The following TAB2 variants were observed in gnomAD, a reference collection of about 807,000 sequenced individuals.
TAB2 encodes the protein TGF-beta-activated kinase 1 and MAP3K7-binding protein 2.
Under a neutral mutation model 65.0 loss-of-function variants are expected in TAB2, and 3 were observed. That is an observed-to-expected ratio of 0.05 (90% CI 0.02 to 0.12). The LOEUF is 0.12. Ranked by LOEUF, TAB2 falls within the 10% of genes least tolerant of loss-of-function variation. The probability of loss-of-function intolerance (pLI) is 1.00; values close to 1 mark genes in which losing one functional copy is unlikely to be tolerated. For synonymous variants in TAB2, 298 were observed against 285.1 expected (o/e 1.05, Z -0.46); for missense variants, 623 against 840.3 (o/e 0.74, Z 3.20).
At chr6:149,402,208 AAAAG>A (rs1461060831) in intron 6 of TAB2, among the ~76,000 whole-genome samples, 9 of 152,064 alleles carry the variant, frequency 5.9e-5, no homozygotes, top group African/African-American at 9.7e-5. Context: ...AATTGAGAAA[AAAAG>A]GAGACAAAAT....
upstream of TAB2, among the ~76,000 whole-genome samples, chr6:149,314,511 G>T (rs1277187614): frequency 1.3e-5 from 2 of 152,062 alleles, no homozygotes; most frequent in Non-Finnish European, 2.9e-5. Context: ...CTTGCTTTTT[G>T]CTTCACTTTC....
intron 1 of TAB2, among the ~76,000 whole-genome samples, chr6:149,350,640 T>C (rs2114804366): frequency 8.8e-6 from 1 of 114,068 alleles, no homozygotes; most frequent in African/African-American, 3.1e-5. Context: ...TTTTTTTTTT[T>C]TAAGAGCTCA....
chr6:149,400,273 C>A, intron 6 of TAB2: 1 of 1,134,846 alleles, frequency 8.8e-7, no homozygotes, highest in Non-Finnish European at 1.2e-6. Flanking sequence ...GTGCACGCAC[C>A]CTCTCCCTCA....
At chr6:149,357,430 A>AAAAAAAAAAAAAC in intron 1 of TAB2, among the ~76,000 whole-genome samples, 1 of 111,144 alleles carries the variant, frequency 9.0e-6, no homozygotes, top group African/African-American at 3.4e-5. Flanking sequence ...AGAAAAAAAA[A>AAAAAAAAAAAAAC]ACACACACAC....
chr6:149,250,174 C>T (rs1030518222), intron 1 of TAB2, among the ~76,000 whole-genome samples: 5 of 152,098 alleles, frequency 3.3e-5, no homozygotes, highest in African/African-American at 1.2e-4. Context: ...GATCTTGAAA[C>T]AGCACAGAAT....
intron 1 of TAB2, among the ~76,000 whole-genome samples, chr6:149,270,470 T>C (rs899521892): frequency 6.6e-6 from 1 of 152,204 alleles, no homozygotes; most frequent in Non-Finnish European, 1.5e-5. Context: ...AATAACAGTA[T>C]ATTGAATACT....
intron 1 of TAB2, among the ~76,000 whole-genome samples, chr6:149,358,674 T>G (rs866079801): frequency 7.5e-5 from 1 of 13,302 alleles, no homozygotes; most frequent in Non-Finnish European, 2.6e-4. Context: ...GTGTGTGTGT[T>G]TTCAGTATAT....
intron 1 of TAB2, among the ~76,000 whole-genome samples, chr6:149,307,752 A>C (rs1779095141): frequency 6.6e-6 from 1 of 152,232 alleles, no homozygotes; most frequent in African/African-American, 2.4e-5. Flanking sequence ...TATTTAAGGA[A>C]CAATTTTGAA....
intron 1 of TAB2, among the ~76,000 whole-genome samples, chr6:149,328,123 C>T (rs1779672228): frequency 6.6e-6 from 1 of 152,172 alleles, no homozygotes; most frequent in South Asian, 2.1e-4. Context: ...TCATCTTAAC[C>T]AAACCAAGCT....
At chr6:149,360,198 A>AT (rs963197268) in intron 1 of TAB2, among the ~76,000 whole-genome samples, 13 of 151,412 alleles carry the variant, frequency 8.6e-5, no homozygotes, top group Admixed American at 4.6e-4. Flanking sequence ...TTTTTTCTGA[A>AT]TTTTTTTTTA....
chr6:149,370,234 G>A (rs1425210062), intron 2 of TAB2, 135 bp downstream of exon 2: 1 of 836,820 alleles, frequency 1.2e-6, no homozygotes, highest in Non-Finnish European at 2.0e-6. Flanking sequence ...TTTGGTGTCT[G>A]ATAGTCATGT....
chr6:149,352,185 T>C (rs992468351), intron 1 of TAB2, among the ~76,000 whole-genome samples: 5 of 152,188 alleles, frequency 3.3e-5, no homozygotes, highest in Admixed American at 1.3e-4. Context: ...TGCTCCACCA[T>C]TTACTTTGTA....
chr6:149,263,308 A>G (rs1711746634), intron 1 of TAB2, among the ~76,000 whole-genome samples: 1 of 152,222 alleles, frequency 6.6e-6, no homozygotes, highest in Admixed American at 6.5e-5. Flanking sequence ...AGAAAAACAG[A>G]TCTTTTAAAT....
At chr6:149,254,144 G>A (rs1011758594) in intron 1 of TAB2, among the ~76,000 whole-genome samples, 3 of 150,236 alleles carry the variant, frequency 2.0e-5, no homozygotes, top group Non-Finnish European at 3.0e-5. Flanking sequence ...GGAAAGGAAA[G>A]GAAAGAAAAG....
intron 2 of TAB2, among the ~76,000 whole-genome samples, chr6:149,376,332 TA>T (rs1248093743): frequency 2.0e-5 from 3 of 152,246 alleles, no homozygotes; most frequent in Non-Finnish European, 2.9e-5. Context: ...TCATTGCTTA[TA>T]ATACAGTCAA....
intron 1 of TAB2, chr6:149,318,689 C>T (rs1432450210): frequency 6.6e-6 from 1 of 152,300 alleles, no homozygotes; most frequent in Non-Finnish European, 1.5e-5. Flanking sequence ...GCAAGGGTCT[C>T]TTGGCGGTGC....
chr6:149,399,026 G>C, intron 5 of TAB2, 78 bp from the exon 6 acceptor site: 2 of 1,269,590 alleles, frequency 1.6e-6, no homozygotes, highest in South Asian at 2.5e-5. Flanking sequence ...TTTATTTTTA[G>C]AAAGAAATAC....
At chr6:149,301,497 T>A (rs1778972223) in intron 1 of TAB2, among the ~76,000 whole-genome samples, 1 of 152,220 alleles carries the variant, frequency 6.6e-6, no homozygotes, top group Admixed American at 6.5e-5. Flanking sequence ...AATAAGAGAA[T>A]GAAATGGTCA....
chr6:149,399,531 C>A (rs1030589702), intron 6 of TAB2, among the ~76,000 whole-genome samples: 1 of 58,438 alleles, frequency 1.7e-5, no homozygotes, highest in Admixed American at 2.1e-4. Context: ...TAGGGAAGTT[C>A]CCCCCCCCCA....
Sources: allele counts gnomAD v4.1 joint callset (sites outside exome capture counted in the v4.1 genomes callset), GRCh38; gene constraint gnomAD v4.1.1; transcripts MANE v1.5; gene names NCBI Gene and HGNC (gene_info 2026-07-23, HGNC 2026-07-21).